The following HAGH variants were observed in gnomAD, a reference collection of about 807,000 sequenced individuals.
HAGH encodes the protein hydroxyacylglutathione hydrolase, mitochondrial.
HAGH carries 29 observed loss-of-function variants against 35.1 expected under a neutral mutation model. That is an observed-to-expected ratio of 0.83 (90% confidence interval 0.62 to 1.13). The LOEUF is 1.13. Among genes scored for constraint, HAGH ranks in the 50% most tolerant of loss-of-function variants. The pLI is 0.00. For synonymous variants in HAGH, 225 were observed against 176.1 expected (o/e 1.28, Z -2.20); for missense variants, 478 against 419.6 (o/e 1.14, Z -1.22).
intron 1 of HAGH, among the ~76,000 whole-genome samples, chr16:1,825,741 T>C (rs1898375351): frequency 6.6e-6 from 1 of 152,044 alleles, no homozygotes; most frequent in Admixed American, 6.5e-5. Context: ...GCCCGGCTGA[T>C]TTTGTTTAGT....
At chr16:1,818,343 C>G (rs2142039923) in intron 5 of HAGH, among the ~76,000 whole-genome samples, 1 of 152,314 alleles carries the variant, frequency 6.6e-6, no homozygotes, top group South Asian at 2.1e-4. Flanking sequence ...TTATCCCTCA[C>G]AGCGAGGCGC....
chr16:1,822,690 T>C (rs978025624), intron 2 of HAGH, among the ~76,000 whole-genome samples, 175 bp downstream of exon 2: 1 of 152,240 alleles, frequency 6.6e-6, no homozygotes, highest in Non-Finnish European at 1.5e-5. Context: ...GCGCTTTCTG[T>C]GTCACTGCCT....
chr16:1,811,460 C>A (rs1897643506), intron 7 of HAGH, among the ~76,000 whole-genome samples: 1 of 138,752 alleles, frequency 7.2e-6, no homozygotes, highest in Admixed American at 7.5e-5. Flanking sequence ...CACCTGTAAT[C>A]CCAGCACTGG....
chr16:1,809,363 G>GCTGCTGCA lies in HAGH; in HGVS notation c.839_846dup (p.His283CysfsTer11). On this transcript the variant is annotated frameshift_variant, in exon 9 of 9. Coordinates refer to ENST00000397356, the MANE Select transcript of HAGH (RefSeq NM_005326.6). LOFTEE classifies it high-confidence loss of function. Reference sequence around the variant, plus strand: ...GTCACCGGGTCCGTCTCACCTGCGTGCTGCTGCACCGTCTTCTCCCTGCGG... The same window carrying GCTGCTGCA: ...GTCACCGGGTCCGTCTCACCTGCGTGCTGCTGCACTGCTGCACCGTCTTCTCCCTGCGG... 6.2e-7 allele frequency: 1 copy of GCTGCTGCA among 1,612,074 alleles called. No individual in the cohort carries two copies. The highest frequency in any genetic ancestry group is 8.5e-7 in the Non-Finnish European group (1 of 1,179,742).
At chr16:1,819,051 G>A in intron 5 of HAGH, 64 bp downstream of exon 5, 1 of 1,040,164 alleles carries the variant, frequency 9.6e-7, no homozygotes, top group Non-Finnish European at 1.5e-6. Context: ...CCGTGAGCCT[G>A]CCTGGCAGGA....
chr16:1,821,369 C>A (rs1484078702), intron 3 of HAGH: 1 of 152,400 alleles, frequency 6.6e-6, no homozygotes, highest in African/African-American at 2.4e-5. Flanking sequence ...TTCATTTCAC[C>A]CCAACACAGA....
At chr16:1,822,515 G>A in intron 2 of HAGH, 151 bp from the exon 3 acceptor site, 1 of 704,988 alleles carries the variant, frequency 1.4e-6, no homozygotes, top group Non-Finnish European at 2.6e-6. Flanking sequence ...CCCTGCTCCA[G>A]GAGAGCCAGT....
At chr16:1,810,487 C>G (rs1897596030) in intron 7 of HAGH, 1 of 153,058 alleles carries the variant, frequency 6.5e-6, no homozygotes. Context: ...GGAGGCCACC[C>G]AAGCCCCTGC....
In HAGH at chr16:1,816,999, GGA is replaced by G. The variant is rs761384371; in HGVS notation, c.646-7_646-6del. 6.3e-7 allele frequency: 1 copy of G among 1,594,214 alleles called. No homozygotes were observed. The highest frequency in any genetic ancestry group is 8.6e-7 in the Non-Finnish European group (1 of 1,161,866). On this transcript the variant is annotated splice_polypyrimidine_tract_variant and splice_region_variant and intron_variant, in intron 6 of 8. Coordinates refer to ENST00000397356, the MANE Select transcript of HAGH (RefSeq NM_005326.6). ...CTCGTGGCCACAGTAGACTCTCTGA[GGA>G]GAGAGGTGACAGGTGAGCTCGGAAG...
At chr16:1,824,633 G>C (rs772652783) in intron 1 of HAGH, among the ~76,000 whole-genome samples, 1 of 152,196 alleles carries the variant, frequency 6.6e-6, no homozygotes, top group Non-Finnish European at 1.5e-5. Context: ...AAGGGATCCA[G>C]AAATGGGCAG....
chr16:1,818,454 C>T (rs1001625133), intron 5 of HAGH: 2 of 152,340 alleles, frequency 1.3e-5, no homozygotes, highest in African/African-American at 4.8e-5. Context: ...CGAGTGTGGC[C>T]CTGGGTCACT....
rs1388351412 is a variant in HAGH, at chr16:1,819,110, C to T, written c.541+5G>A. The T allele has an allele frequency of 1.0e-5, 16 of 1,578,364 alleles. No homozygotes were observed. The highest frequency in any genetic ancestry group is 1.3e-5 in the African/African-American group (1 of 74,224). The stretch of plus-strand genomic sequence containing the variant: ...CCCCGCCCCCACCCACACTCGAACA[C>T]GCACCTGTGAACACGGCAGGGGGCT... On this transcript the variant is annotated splice_donor_5th_base_variant and intron_variant, in intron 5 of 8. Coordinates refer to ENST00000397356, the MANE Select transcript of HAGH (RefSeq NM_005326.6).
intron 4 of HAGH, among the ~76,000 whole-genome samples, chr16:1,819,472 G>A (rs1476415126): frequency 6.6e-6 from 1 of 152,206 alleles, no homozygotes; most frequent in Admixed American, 6.5e-5. Context: ...CTTCAAAACT[G>A]GGCCAAATCC....
In HAGH at chr16:1,809,236, A is replaced by C; in HGVS notation, c.*47T>G. On this transcript the variant is annotated 3_prime_UTR_variant, in exon 9 of 9. Transcript: ENST00000397356. ...GCACGGACCAGCAGGAAAGCCAGTT[A>C]CCTAAAAGAGCCTAATCCCCAAATC... 7.8e-7 allele frequency: 1 copy of C among 1,287,528 alleles called. No homozygotes were observed. Among genetic ancestry groups the C allele is most frequent in the Non-Finnish European group, 1.1e-6 (1 of 901,226 alleles). The allele number at this position is 1,287,528 out of a possible 1,614,324, so 79.8% of individuals were successfully genotyped here. A position where few individuals can be genotyped will look rare whatever the true frequency, so the allele number is the denominator to read the frequency against.
chr16:1,811,002 AG>A, intron 7 of HAGH: 1 of 152,362 alleles, frequency 6.6e-6, no homozygotes, highest in African/African-American at 2.4e-5. Context: ...AACACTTCTA[AG>A]GAGACCTTTA....
intron 5 of HAGH, chr16:1,818,872 G>C (rs922250342): frequency 1.5e-5 from 8 of 519,946 alleles, no homozygotes; most frequent in Admixed American, 1.0e-4. Flanking sequence ...CCGGACCCCA[G>C]CTGTCCAGCA....
At chr16:1,817,064 TG>T in intron 6 of HAGH, 70 bp from the exon 7 acceptor site, 1 of 1,357,458 alleles carries the variant, frequency 7.4e-7, no homozygotes, top group Non-Finnish European at 1.1e-6. Flanking sequence ...GGACGGGACC[TG>T]GATGCCCCCG....
At chr16:1,821,061 G>A (rs947504209) in intron 3 of HAGH, among the ~76,000 whole-genome samples, 1 of 152,174 alleles carries the variant, frequency 6.6e-6, no homozygotes, top group South Asian at 2.1e-4. Context: ...CACCACCAGG[G>A]TCCCCAGGAG....
At chr16:1,812,103 T>C (rs1478232389) in intron 7 of HAGH, among the ~76,000 whole-genome samples, 4 of 149,150 alleles carry the variant, frequency 2.7e-5, no homozygotes, top group Non-Finnish European at 4.4e-5. Context: ...GGCAGCAGAA[T>C]CGCCTGAACC....
Sources: gnomAD v4.1 joint callset for allele counts (sites outside exome capture counted in the v4.1 genomes callset) on GRCh38, gnomAD v4.1.1 for gene constraint, MANE v1.5 for transcripts, NCBI Gene and HGNC (gene_info 2026-07-23, HGNC 2026-07-21) for gene names.